TIAM1: variants seen among roughly 807,000 people sequenced by gnomAD.
TIAM1 encodes rho guanine nucleotide exchange factor TIAM1.
A neutral mutation model predicts 163.5 loss-of-function variants in TIAM1; 65 were observed. The observed-to-expected ratio is 0.40, with a 90% CI of 0.33 to 0.49. The LOEUF is 0.49. Among genes scored for constraint, TIAM1 ranks in the 20% least tolerant of loss-of-function variants. TIAM1 has a pLI of 0.77. For synonymous variants in TIAM1, 833 were observed against 810.1 expected (o/e 1.03, Z -0.48); for missense variants, 1,789 against 2,044.7 (o/e 0.87, Z 2.41).
chr21:31,130,803 C>T, intron 24 of TIAM1, 87 bp downstream of exon 24: 1 of 1,312,382 alleles, frequency 7.6e-7, no homozygotes, highest in South Asian at 1.2e-5. Flanking sequence ...AAGGCTCATA[C>T]TGACAAAATG....
chr21:31,239,213 C>T (rs1202977501), intron 6 of TIAM1, among the ~76,000 whole-genome samples: 2 of 152,136 alleles, frequency 1.3e-5, no homozygotes, highest in African/African-American at 2.4e-5. Flanking sequence ...GCCTTGACCT[C>T]CTTGGTGCAA....
chr21:31,165,008 T>C lies in TIAM1; in HGVS notation c.2945A>G (p.Glu982Gly). 1 of 1,614,192 alleles carries C rather than the reference T, an allele frequency of 6.2e-7. No homozygotes were observed. Among genetic ancestry groups the C allele is most frequent in the East Asian group, 2.2e-5 (1 of 44,884 alleles). The change falls in exon 16 of 28, where the codon GAG (glutamate) becomes GGG (glycine). Residue 982 changes from glutamate (E) to glycine (G), a missense_variant. Physicochemically the swap from Glu to Gly is moderately conservative, Grantham distance 98 (BLOSUM62 -2). Transcript: ENST00000541036. ...SSAETAPEETEGPDLESSDET... is the reference protein window; with the variant it reads ...SSAETAPEETGGPDLESSDET... ...ATCTGAGGATTCCAAGTCTGGCCCCTCGGTCTCCTCTGGAGCGGTCTCAGC... is the reference window on the plus strand; with the variant it reads ...ATCTGAGGATTCCAAGTCTGGCCCCCCGGTCTCCTCTGGAGCGGTCTCAGC...
chr21:31,428,813 G>A (rs1368383520), intron 2 of TIAM1, among the ~76,000 whole-genome samples: 7 of 151,258 alleles, frequency 4.6e-5, no homozygotes, highest in Non-Finnish European at 7.4e-5. Context: ...AGCCCAGGAG[G>A]CCAAGGCTGC....
chr21:31,405,351 C>T (rs770472229), intron 2 of TIAM1, among the ~76,000 whole-genome samples: 2 of 152,160 alleles, frequency 1.3e-5, no homozygotes, highest in African/African-American at 2.4e-5. Context: ...AGGGCATTTC[C>T]AGCACAGTTC....
At chr21:31,405,442 T>C (rs984441763) in intron 2 of TIAM1, among the ~76,000 whole-genome samples, 2 of 152,080 alleles carry the variant, frequency 1.3e-5, no homozygotes, top group Non-Finnish European at 2.9e-5. Flanking sequence ...GCTCTGCCAC[T>C]AATCCCCCTT....
At chr21:31,477,169 G>A (rs1295940915) in intron 1 of TIAM1, among the ~76,000 whole-genome samples, 1 of 152,124 alleles carries the variant, frequency 6.6e-6, no homozygotes, top group African/African-American at 2.4e-5. Flanking sequence ...AATTCATATG[G>A]GTCAACCTAA....
intron 8 of TIAM1, among the ~76,000 whole-genome samples, chr21:31,218,812 T>G (rs2087367886): frequency 6.6e-6 from 1 of 152,084 alleles, no homozygotes; most frequent in African/African-American, 2.4e-5. Context: ...TGTTGTGGTC[T>G]AGGATGTCCC....
chr21:31,309,436 C>T (rs988434658), intron 2 of TIAM1, among the ~76,000 whole-genome samples: 2 of 151,830 alleles, frequency 1.3e-5, no homozygotes, highest in Admixed American at 6.6e-5. Flanking sequence ...CCATCCTGGG[C>T]GACAGAGTGA....
At position 31,338,874 on chromosome 21, in the gene TIAM1, C is replaced by T. The variant is rs999197049; in HGVS notation, c.-189+369G>A. 1.1e-4 allele frequency among the ~76,000 whole-genome samples: 16 copies of T among 152,264 alleles called. 1 individual carries two copies. The highest frequency in any genetic ancestry group is 6.8e-3 in the Middle Eastern group (2 of 294). On this transcript the variant is annotated intron_variant, in intron 2 of 27. Coordinates refer to ENST00000541036, the MANE Select transcript of TIAM1 (RefSeq NM_001353694.2). ...GTGATGTGAACCCACACCCAAGAGC[C>T]CCCAAACCAGCACGTTGATACCAAG...
intron 1 of TIAM1, among the ~76,000 whole-genome samples, chr21:31,496,765 A>G (rs1198499292): frequency 6.6e-6 from 1 of 152,128 alleles, no homozygotes; most frequent in Non-Finnish European, 1.5e-5. Context: ...CACTCATGGC[A>G]AGCACCCTAT....
intron 2 of TIAM1, among the ~76,000 whole-genome samples, chr21:31,360,204 G>A (rs1444325268): frequency 6.6e-6 from 1 of 151,958 alleles, no homozygotes; most frequent in African/African-American, 2.4e-5. Flanking sequence ...AGTGTTTGAA[G>A]AAAATCACCG....
intron 1 of TIAM1, among the ~76,000 whole-genome samples, chr21:31,546,851 A>G (rs765989241): frequency 6.6e-6 from 1 of 152,190 alleles, no homozygotes; most frequent in Non-Finnish European, 1.5e-5. Flanking sequence ...TCTAGCAACC[A>G]TAATGCAGCA....
chr21:31,472,117 G>A (rs576598068), intron 1 of TIAM1, among the ~76,000 whole-genome samples: 2 of 152,270 alleles, frequency 1.3e-5, no homozygotes, highest in Admixed American at 1.3e-4. Flanking sequence ...CTGGACGGCC[G>A]TGTGCAAGTT....
chr21:31,350,978 G>A (rs923712183), intron 2 of TIAM1, among the ~76,000 whole-genome samples: 5 of 152,162 alleles, frequency 3.3e-5, no homozygotes, highest in African/African-American at 9.7e-5. Flanking sequence ...AATGAATAAT[G>A]GCTAGGGAAA....
chr21:31,342,086 T>C (rs965807168), intron 1 of TIAM1, among the ~76,000 whole-genome samples: 5 of 151,944 alleles, frequency 3.3e-5, no homozygotes, highest in Non-Finnish European at 7.4e-5. Context: ...AATGGGAAAA[T>C]TTCTGTAAAA....
intron 8 of TIAM1, among the ~76,000 whole-genome samples, chr21:31,223,009 C>T (rs770137073): frequency 2.0e-5 from 3 of 151,848 alleles, no homozygotes; most frequent in Non-Finnish European, 4.4e-5. Context: ...TGAGTCACTG[C>T]GCCCAGCCTG....
intron 3 of TIAM1, among the ~76,000 whole-genome samples, chr21:31,268,832 A>C (rs576006630): frequency 2.0e-4 from 30 of 152,204 alleles, no homozygotes; most frequent in Non-Finnish European, 3.7e-4. Flanking sequence ...TTTCAATAAC[A>C]CTAAAGGCTT....
intron 15 of TIAM1, 25 bp from the exon 16 acceptor site, chr21:31,165,090 T>C (rs369952086): frequency 3.1e-6 from 5 of 1,611,672 alleles, no homozygotes; most frequent in Non-Finnish European, 4.2e-6. Flanking sequence ...CAGAAGAAAA[T>C]GTGGGTCAAC....
rs192579477 is a variant in TIAM1 at position 31,241,110 on chromosome 21, T to G, written c.1584+4378A>C. The stretch of plus-strand genomic sequence containing the variant: ...CCTCCTTTGCCTTCTGCCATGACGG[T>G]GAGGCCTCCCCAGCCATGTGGAACT... On this transcript the variant is annotated intron_variant, in intron 6 of 27. Transcript: ENST00000541036. 3.3e-5 allele frequency among the ~76,000 whole-genome samples: 5 copies of G among 152,342 alleles called. No homozygotes were observed. The East Asian group carries it at 9.6e-4, about 29-fold the overall frequency.
Sources: gnomAD v4.1 joint callset for allele counts (sites outside exome capture counted in the v4.1 genomes callset) on GRCh38, gnomAD v4.1.1 for gene constraint, MANE v1.5 for transcripts, NCBI Gene and HGNC (gene_info 2026-07-23, HGNC 2026-07-21) for gene names.